Variants in ERG observed in about 807,000 individuals in gnomAD.
ERG encodes ETS transcription factor ERG, also known as transcriptional regulator ERG.
In ERG, 9 loss-of-function variants were observed where a neutral mutation model predicts 55.3. The observed-to-expected ratio is 0.16, with a 90% CI of 0.10 to 0.28. The LOEUF is 0.28. Among genes scored for constraint, ERG ranks in the 10% least tolerant of loss-of-function variants. The pLI is 1.00. For synonymous variants in ERG, 223 were observed against 237.3 expected, an observed-to-expected ratio of 0.94 and a Z score of 0.55; for missense variants, 434 against 631.6, an observed-to-expected ratio of 0.69 and a Z score of 3.35.
At chr21:38,572,074 C>T (rs372141345) in intron 2 of ERG, among the ~76,000 whole-genome samples, 7 of 151,954 alleles carry the variant, frequency 4.6e-5, no homozygotes, top group South Asian at 2.1e-4. Flanking sequence ...AACTTCCTTC[C>T]GGCCAGGTGC....
chr21:38,610,013 C>T lies in ERG; in HGVS notation c.-149-25068G>A, dbSNP rs139140604. Among the ~76,000 whole-genome samples the T allele has an allele frequency of 1.7e-3, 259 of 152,304 alleles. 1 individual carries two copies. Among genetic ancestry groups the T allele is most frequent in the African/African-American group, 5.8e-3 (240 of 41,554 alleles). ...TAAATGCTCCAAGCCATTTTTAACA[C>T]GGCTTCTGCTCCTCTGAGCACCTGG... On this transcript the variant is annotated intron_variant, in intron 1 of 10. Coordinates refer to the ERG transcript ENST00000398910.
chr21:38,417,303 C>A (rs931229596), intron 3 of ERG, among the ~76,000 whole-genome samples: 3 of 152,108 alleles, frequency 2.0e-5, no homozygotes, highest in Non-Finnish European at 2.9e-5. Flanking sequence ...GTGAATGGAA[C>A]ACAGTAAGAG....
At chr21:38,428,875 A>C (rs1481166264) in intron 2 of ERG, among the ~76,000 whole-genome samples, 1 of 152,210 alleles carries the variant, frequency 6.6e-6, no homozygotes, top group Non-Finnish European at 1.5e-5. Context: ...AGGACAAACA[A>C]AAATCATTTT....
At chr21:38,648,438 T>C (rs185153211) in intron 1 of ERG, among the ~76,000 whole-genome samples, 1 of 152,290 alleles carries the variant, frequency 6.6e-6, no homozygotes, top group Admixed American at 6.5e-5. Context: ...AAAAATAACT[T>C]TGCAACAATC....
chr21:38,617,041 G>C (rs987102800), intron 1 of ERG, among the ~76,000 whole-genome samples: 4 of 152,152 alleles, frequency 2.6e-5, no homozygotes, highest in Non-Finnish European at 1.5e-5. Flanking sequence ...TTCTAGCAGA[G>C]AGACCTAGGG....
At chr21:38,463,142 T>C (rs1201575106) in intron 1 of ERG, among the ~76,000 whole-genome samples, 8 of 152,222 alleles carry the variant, frequency 5.3e-5, no homozygotes, top group African/African-American at 1.9e-4. Context: ...ATAACCAGAT[T>C]ATTTTAATTT....
chr21:38,587,999 T>C (rs1440439208), upstream of ERG, among the ~76,000 whole-genome samples: 1 of 152,180 alleles, frequency 6.6e-6, no homozygotes, highest in Non-Finnish European at 1.5e-5. Flanking sequence ...TATTAATATT[T>C]CATTTATCCT....
upstream of ERG, among the ~76,000 whole-genome samples, chr21:38,585,915 A>G (rs2060061122): frequency 6.6e-6 from 1 of 151,498 alleles, no homozygotes; most frequent in South Asian, 2.1e-4. Flanking sequence ...AAATCAGGGT[A>G]CTAAACCACG....
chr21:38,641,670 T>C (rs2060425921), intron 1 of ERG, among the ~76,000 whole-genome samples: 2 of 152,066 alleles, frequency 1.3e-5, no homozygotes, highest in Admixed American at 6.5e-5. Context: ...CAAATGCACA[T>C]GCAAATTTTT....
intron 2 of ERG, among the ~76,000 whole-genome samples, chr21:38,438,174 G>A (rs2058808307): frequency 6.6e-6 from 1 of 152,162 alleles, no homozygotes; most frequent in Non-Finnish European, 1.5e-5. Flanking sequence ...AACTGCCTTT[G>A]CAGCTTTACT....
chr21:38,419,344 A>G (rs1989434566), intron 3 of ERG, among the ~76,000 whole-genome samples: 1 of 152,182 alleles, frequency 6.6e-6, no homozygotes, highest in Non-Finnish European at 1.5e-5. Flanking sequence ...AGAGGAACAC[A>G]TCTTCCTCCA....
chr21:38,555,495 G>C (rs1006130125), intron 2 of ERG, among the ~76,000 whole-genome samples: 3 of 151,864 alleles, frequency 2.0e-5, no homozygotes, highest in African/African-American at 4.8e-5. Context: ...AAACACATTT[G>C]ACAGAGTTTT....
chr21:38,423,758 T>G (rs1601376895), intron 2 of ERG, among the ~76,000 whole-genome samples, 197 bp from the exon 3 acceptor site: 1 of 151,932 alleles, frequency 6.6e-6, no homozygotes, highest in Non-Finnish European at 1.5e-5. Context: ...GATGCCGAGG[T>G]GGGCGGATCA....
rs556224579 is a variant in ERG, at chr21:38,460,983, T to A, written c.19-15362A>T. On this transcript the variant is annotated intron_variant, in intron 1 of 9. Transcript: ENST00000288319. The surrounding 1 kb of genome is among the most constrained non-coding windows in gnomAD (Gnocchi z 5.0). ...TGTCTCCATATTAATAAGCAGTGAA[T>A]CCTCTTTTGCGGCTGAATTTTCCTC... Among the ~76,000 whole-genome samples, 15 of 152,288 alleles carry A rather than the reference T, an allele frequency of 9.8e-5. No homozygotes were observed. Among genetic ancestry groups the A allele is most frequent in the Admixed American group, 3.3e-4 (5 of 15,288 alleles).
intron 1 of ERG, among the ~76,000 whole-genome samples, chr21:38,598,733 A>G (rs2060146201): frequency 6.6e-6 from 1 of 152,210 alleles, no homozygotes; most frequent in Non-Finnish European, 1.5e-5. Flanking sequence ...CTGAGTATAC[A>G]GCTCCCACAG....
chr21:38,378,929 T>A (rs1369578451), downstream of ERG, among the ~76,000 whole-genome samples: 1 of 152,220 alleles, frequency 6.6e-6, no homozygotes, highest in Non-Finnish European at 1.5e-5. Flanking sequence ...GACATTTTTT[T>A]AAGTGTACCG....
intron 1 of ERG, among the ~76,000 whole-genome samples, chr21:38,637,813 C>CTGCGTGTG (rs1029439588): frequency 4.0e-5 from 6 of 148,162 alleles, no homozygotes; most frequent in Non-Finnish European, 5.9e-5. Context: ...AGTTCTTTTT[C>CTGCGTGTG]TGCGTGTGTG....
intron 1 of ERG, among the ~76,000 whole-genome samples, chr21:38,493,199 T>C (rs2059351067): frequency 6.6e-6 from 1 of 152,226 alleles, no homozygotes; most frequent in African/African-American, 2.4e-5. Context: ...AAATAGATGG[T>C]GTACTGCAAT....
At chr21:38,570,680 T>C (rs568408782) in intron 2 of ERG, among the ~76,000 whole-genome samples, 1 of 152,312 alleles carries the variant, frequency 6.6e-6, no homozygotes, top group African/African-American at 2.4e-5. Flanking sequence ...AAGGAACTTG[T>C]ACAAAATCAC....
Sources: allele counts gnomAD v4.1 joint callset (sites outside exome capture counted in the v4.1 genomes callset), GRCh38; gene constraint gnomAD v4.1.1; non-coding constraint Gnocchi (gnomAD v3.1); transcripts MANE v1.5; gene names NCBI Gene and HGNC (gene_info 2026-07-23, HGNC 2026-07-21).